The following METTL4 variants were observed in gnomAD, a reference collection of about 807,000 sequenced individuals.
METTL4 encodes N(6)-adenine-specific methyltransferase METTL4.
A neutral mutation model predicts 54.0 loss-of-function variants in METTL4; 40 were observed. The observed-to-expected ratio is 0.74, with a 90% CI of 0.58 to 0.96. METTL4 has a LOEUF of 0.96. Ranked by LOEUF, METTL4 falls within the 50% of genes least tolerant of loss-of-function variation. METTL4 has a pLI of 0.00. For missense variants in METTL4, 525 were observed against 549.0 expected, an observed-to-expected ratio of 0.96 and a Z score of 0.44; for synonymous variants, 169 against 183.8, an observed-to-expected ratio of 0.92 and a Z score of 0.65.
Position 2,547,446 on chromosome 18 carries a change from A to C in METTL4, c.983T>G (p.Val328Gly). The change falls in exon 6 of 9, where the codon GTG (valine) becomes GGG (glycine). Residue 328 changes from valine (V) to glycine (G), a missense_variant. By Grantham distance (109) the Val-to-Gly change is moderately radical (BLOSUM62 -3). Coordinates refer to ENST00000574538, the MANE Select transcript of METTL4 (RefSeq NM_022840.5). ...ACGTAGGTGCTTCTGTCTATTGGTC[A>C]CCCAAGTAACAAGAAGACAGTTTGG... is the stretch of plus-strand genomic sequence containing the variant. The part of the protein sequence containing the change: ...AAPNCLLVTW[V>G]TNRQKHLRFI... 6.2e-7 allele frequency: 1 copy of C among 1,612,424 alleles called. No homozygotes were observed. Among genetic ancestry groups the C allele is most frequent in the Non-Finnish European group, 8.5e-7 (1 of 1,179,018 alleles).
intron 8 of METTL4, chr18:2,540,116 T>G (rs940259427): frequency 2.0e-6 from 2 of 983,116 alleles, no homozygotes; most frequent in African/African-American, 3.5e-5. Context: ...AACATTGTAT[T>G]TTGTTGGGGA....
At chr18:2,539,167 C>A (rs1345019591) in intron 8 of METTL4, 22 bp from the exon 9 acceptor site, 6 of 1,586,034 alleles carry the variant, frequency 3.8e-6, no homozygotes, top group South Asian at 1.1e-5. Context: ...AGAGAAAAAA[C>A]ACAAAAATTA....
At chr18:2,565,878 T>C (rs1341776297) in intron 2 of METTL4, among the ~76,000 whole-genome samples, 4 of 151,962 alleles carry the variant, frequency 2.6e-5, no homozygotes, top group African/African-American at 7.3e-5. Context: ...AAGCCCCGTC[T>C]CTACTAAAAA....
intron 2 of METTL4, 78 bp from the exon 3 acceptor site, chr18:2,563,937 T>C (rs2072362303): frequency 2.3e-6 from 2 of 852,886 alleles, no homozygotes; most frequent in African/African-American, 1.7e-5. Flanking sequence ...ATTATTTATG[T>C]CTTATATCTG....
At chr18:2,544,623 T>C (rs1310312908) in intron 7 of METTL4, 30 bp downstream of exon 7, 8 of 1,303,474 alleles carry the variant, frequency 6.1e-6, no homozygotes, top group South Asian at 3.7e-5. Context: ...TTAATACATG[T>C]ATACAATTTT....
chr18:2,565,156 A>G (rs2072385522), intron 2 of METTL4, among the ~76,000 whole-genome samples: 1 of 152,046 alleles, frequency 6.6e-6, no homozygotes, highest in African/African-American at 2.4e-5. Context: ...GTGGACACAC[A>G]TAATCCCAGC....
Position 2,539,072 on chromosome 18 carries a change from C to T in METTL4, c.1347G>A (p.Trp449Ter). ...TGAGAACTTCATTGCCCCAACTAGT[C>T]CAACCTGGCTGTAAATTTCGAGCAA... ...ELFARNLQPG[W>*]TSWGNEVLKF... is the part of the protein sequence containing the mutation. Residue 449 changes from tryptophan to a stop codon, truncating the protein, a stop_gained, in exon 9 of 9, where the codon TGG becomes TGA. Transcript: ENST00000574538. LOFTEE classifies it high-confidence loss of function. 4 of 1,613,962 alleles carry T rather than the reference C, an allele frequency of 2.5e-6. No individual in the cohort carries two copies. In the East Asian group the frequency reaches 8.9e-5, roughly 36 times the overall value.
intron 6 of METTL4, among the ~76,000 whole-genome samples, 169 bp downstream of exon 6, chr18:2,547,185 AT>A (rs1282279017): frequency 1.3e-5 from 2 of 152,184 alleles, no homozygotes; most frequent in Non-Finnish European, 2.9e-5. Context: ...TACAAAAAAA[AT>A]ATAGCCTTGA....
In METTL4 at chr18:2,538,496, C is replaced by T. The variant is rs1353227249; in HGVS notation, c.*504G>A. The T allele has an allele frequency of 6.5e-6, 1 of 153,552 alleles. No homozygotes were observed. The highest frequency in any genetic ancestry group is 1.4e-5 in the Non-Finnish European group (1 of 69,046). The allele number at this position is 153,552 out of a possible 1,614,324, so 9.5% of individuals were successfully genotyped here. On this transcript the variant is annotated 3_prime_UTR_variant, in exon 9 of 9. Transcript: ENST00000574538. The stretch of plus-strand genomic sequence containing the variant: ...GCAAAGTGGAGAGCACAAGGCTCTT[C>T]CCAAGTGAGCCACCACCGCTTGGTC...
Position 2,554,737 on chromosome 18 carries a change from T to A in METTL4, c.761A>T (p.Lys254Ile). 2 of 1,612,608 alleles carry A rather than the reference T, an allele frequency of 1.2e-6. No individual in the cohort carries two copies. Among genetic ancestry groups the A allele is most frequent in the Non-Finnish European group, 1.7e-6 (2 of 1,179,520 alleles). Reference sequence around the variant, plus strand: ...ACTGCTTTTCGGTGGTAGCAGGTATTTCTGTCCCATTAAAGTAATCACTTT... The same window carrying A: ...ACTGCTTTTCGGTGGTAGCAGGTATATCTGTCCCATTAAAGTAATCACTTT... ...FTKVITLMGQ[K>I]YLLPPKSSFL... Residue 254 changes from lysine to isoleucine, a missense_variant, in exon 4 of 9, where the codon AAA becomes ATA. By Grantham distance (102) the Lys-to-Ile change is moderately radical (BLOSUM62 -3). Coordinates refer to ENST00000574538, the MANE Select transcript of METTL4 (RefSeq NM_022840.5).
intron 6 of METTL4, 130 bp downstream of exon 6, chr18:2,547,225 A>G (rs2072082854): frequency 4.6e-6 from 3 of 648,318 alleles, no homozygotes; most frequent in South Asian, 6.0e-5. Context: ...GGTAAGCAGC[A>G]AAGCAAAAGT....
intron 5 of METTL4, among the ~76,000 whole-genome samples, chr18:2,552,191 CAAAATAAAAT>C (rs553206325): frequency 2.1e-4 from 32 of 149,662 alleles, no homozygotes; most frequent in African/African-American, 7.2e-4. Context: ...GACTCCATCT[CAAAATAAAAT>C]AAAATAAAAT....
At position 2,544,659 on chromosome 18, in the gene METTL4, G is replaced by A; in HGVS notation, c.1175C>T (p.Pro392Leu). 2 of 1,601,050 alleles carry A rather than the reference G, an allele frequency of 1.2e-6. No homozygotes were observed. Among genetic ancestry groups the A allele is most frequent in the Middle Eastern group, 1.7e-4 (1 of 6,026 alleles). The change falls in exon 7 of 9, where the codon CCA becomes CTA. Residue 392 changes from proline (P) to leucine (L), a missense_variant. Pro to Leu is a moderately conservative substitution (Grantham distance 98). Transcript: ENST00000574538. ...GAAAAATCACCTTTCCTACCTCAATGGTAGAGCAGTTTTTTCTTGAACCCT... is the reference window on the plus strand; with the variant it reads ...GAAAAATCACCTTTCCTACCTCAATAGTAGAGCAGTTTTTTCTTGAACCCT... ...LGRVQEKTAL[P>L]LRNADVNVLP...
In METTL4 at chr18:2,544,688, C is replaced by T; in HGVS notation, c.1146G>A (p.Leu382=). ...PHKKPYEGLI[L]GRVQEKTALP... is the part of the protein sequence containing the mutation. ...GAGCAGTTTTTTCTTGAACCCTCCC[C>T]AGTATAAGACCTTCGTAGGGCTTTT... The change falls in exon 7 of 9, where the codon CTG becomes CTA. Residue 382 remains leucine (L), a synonymous_variant. Coordinates refer to ENST00000574538, the MANE Select transcript of METTL4 (RefSeq NM_022840.5). The T allele has an allele frequency of 6.2e-7, 1 of 1,612,408 alleles. No individual in the cohort carries two copies. The highest frequency in any genetic ancestry group is 8.5e-7 in the Non-Finnish European group (1 of 1,179,200).
intron 2 of METTL4, among the ~76,000 whole-genome samples, chr18:2,565,176 G>A (rs962113491): frequency 6.6e-6 from 1 of 152,152 alleles, no homozygotes; most frequent in Non-Finnish European, 1.5e-5. Context: ...CTACTCGGGA[G>A]GCTGAGACAG....
rs767205058 is a variant in METTL4 at position 2,567,086 on chromosome 18, T to C, written c.131A>G (p.His44Arg). The change falls in exon 2 of 9, where the codon CAC becomes CGC. Residue 44 changes from histidine to arginine, a missense_variant. Coordinates refer to ENST00000574538, the MANE Select transcript of METTL4 (RefSeq NM_022840.5). ...AGAATCCATTTGAAGAGACTCAAAG[T>C]GAACAGAAGTAGTGAACTCCTTTTT... The part of the protein sequence containing the change: ...CRKKEFTTSV[H>R]FESLQMDSVS... 1.2e-6 allele frequency: 2 copies of C among 1,614,168 alleles called. No homozygotes were observed. Among genetic ancestry groups the C allele is most frequent in the Non-Finnish European group, 1.7e-6 (2 of 1,180,014 alleles).
In METTL4 at chr18:2,554,665, T is replaced by C; in HGVS notation, c.829+4A>G. ...TTCTAATAACAAACACAATAATTAC[T>C]TACAGTTTAGAAGTGGTTGCATACA... On this transcript the variant is annotated splice_donor_region_variant and intron_variant, in intron 4 of 8. Transcript: ENST00000574538. 6.3e-7 allele frequency: 1 copy of C among 1,586,654 alleles called. No individual in the cohort carries two copies. Among genetic ancestry groups the C allele is most frequent in the Non-Finnish European group, 8.5e-7 (1 of 1,173,630 alleles).
rs2072441117 is a variant in METTL4 at position 2,567,622 on chromosome 18, G to T, written c.-406C>A. On this transcript the variant is annotated 5_prime_UTR_variant, in exon 2 of 9. Transcript: ENST00000574538. ...ACTAGGTCCACATCCTCCAAGTCAG[G>T]AAGTCATTGAATCCTTAAAAGGACA... 6.4e-6 allele frequency: 1 copy of T among 156,034 alleles called. No individual in the cohort carries two copies. Among genetic ancestry groups the T allele is most frequent in the Admixed American group, 6.5e-5 (1 of 15,468 alleles). The allele number at this position is 156,034 out of a possible 1,614,324, so 9.7% of individuals were successfully genotyped here.
chr18:2,559,741 GTTT>G lies in METTL4; in HGVS notation c.459+4053_459+4055del, dbSNP rs753623900. Among the ~76,000 whole-genome samples, 31 of 152,092 alleles carry G rather than the reference GTTT, an allele frequency of 2.0e-4. No individual in the cohort carries two copies. In the East Asian group the frequency reaches 4.2e-3, roughly 21 times the overall value. ...TGAAATGAACACATTTCTGTTTTTTGTTTTTTATTTTTTCGAGAGGGAGTCTCT... is the reference window on the plus strand; with the variant it reads ...TGAAATGAACACATTTCTGTTTTTTGTTTATTTTTTCGAGAGGGAGTCTCT... On this transcript the variant is annotated intron_variant, in intron 3 of 8. Transcript: ENST00000574538.
Sources: gnomAD v4.1 joint callset for allele counts (sites outside exome capture counted in the v4.1 genomes callset) on GRCh38, gnomAD v4.1.1 for gene constraint, MANE v1.5 for transcripts, NCBI Gene and HGNC (gene_info 2026-07-23, HGNC 2026-07-21) for gene names.